Variants in MCTP2 observed in about 807,000 individuals in gnomAD.
The protein encoded by MCTP2 is multiple C2 and transmembrane domain-containing protein 2.
Under a neutral mutation model 111.6 loss-of-function variants are expected in MCTP2, and 132 were observed. The observed-to-expected ratio is 1.18, with a 90% CI of 1.03 to 1.37. MCTP2 has a LOEUF of 1.37. Among genes scored for constraint, MCTP2 ranks in the 40% most tolerant of loss-of-function variants. The pLI is 0.00. For synonymous variants in MCTP2, 395 were observed against 387.7 expected, an observed-to-expected ratio of 1.02 and a Z score of -0.22; for missense variants, 1,183 against 1,067.9, an observed-to-expected ratio of 1.11 and a Z score of -1.50.
chr15:94,278,083 C>G (rs775380877), intron 1 of MCTP2: 1 of 152,056 alleles, frequency 6.6e-6, no homozygotes, highest in Non-Finnish European at 1.5e-5. Flanking sequence ...ATGAAGCTGT[C>G]AAATGCCCTA....
intron 2 of MCTP2, among the ~76,000 whole-genome samples, chr15:94,309,354 C>G (rs989380747): frequency 2.0e-5 from 3 of 152,152 alleles, no homozygotes; most frequent in African/African-American, 7.2e-5. Flanking sequence ...AGTATGTATA[C>G]ATTTATATAC....
At chr15:94,291,902 G>C (rs2075049529) in intron 1 of MCTP2, among the ~76,000 whole-genome samples, 1 of 152,088 alleles carries the variant, frequency 6.6e-6, no homozygotes, top group Admixed American at 6.5e-5. Context: ...CTACCATTGG[G>C]CAAAAGCAGT....
intron 10 of MCTP2, among the ~76,000 whole-genome samples, chr15:94,363,351 C>T (rs1302812915): frequency 4.6e-5 from 7 of 152,084 alleles, no homozygotes; most frequent in Admixed American, 4.6e-4. Flanking sequence ...GCTGCAGGTC[C>T]TGGCATCATG....
intron 4 of MCTP2, among the ~76,000 whole-genome samples, chr15:94,333,856 T>C (rs2077237450): frequency 6.6e-6 from 1 of 152,210 alleles, no homozygotes; most frequent in African/African-American, 2.4e-5. Context: ...TCTTTCTTTC[T>C]AGGACAGCTC....
At chr15:94,322,605 A>G (rs1367773270) in intron 4 of MCTP2, among the ~76,000 whole-genome samples, 2 of 152,224 alleles carry the variant, frequency 1.3e-5, no homozygotes, top group African/African-American at 4.8e-5. Flanking sequence ...CTCTGCCTAG[A>G]ATATCATGGT....
At chr15:94,259,187 A>G (rs761909734) in intron 1 of MCTP2, among the ~76,000 whole-genome samples, 2 of 152,174 alleles carry the variant, frequency 1.3e-5, no homozygotes, top group African/African-American at 2.4e-5. Flanking sequence ...GAATAAAAAC[A>G]CACCATTAGT....
intron 12 of MCTP2, among the ~76,000 whole-genome samples, chr15:94,370,545 G>T (rs940348944): frequency 2.6e-5 from 4 of 152,158 alleles, no homozygotes; most frequent in Non-Finnish European, 4.4e-5. Flanking sequence ...TGCTCTCTGT[G>T]CTGAATGGTT....
intron 1 of MCTP2, among the ~76,000 whole-genome samples, chr15:94,239,107 C>G (rs1482008180): frequency 2.0e-5 from 3 of 151,728 alleles, no homozygotes; most frequent in Non-Finnish European, 4.4e-5. Context: ...GTAATGCTTA[C>G]TTTTTTTAAG....
intron 14 of MCTP2, among the ~76,000 whole-genome samples, chr15:94,393,990 T>C (rs2081136799): frequency 7.7e-6 from 1 of 130,346 alleles, no homozygotes; most frequent in African/African-American, 3.0e-5. Flanking sequence ...GCGGAGGTTG[T>C]GGTGAGCCAA....
At chr15:94,337,498 T>C (rs2077417965) in intron 4 of MCTP2, among the ~76,000 whole-genome samples, 1 of 151,920 alleles carries the variant, frequency 6.6e-6, no homozygotes, top group East Asian at 1.9e-4. Flanking sequence ...TCCCCCACTT[T>C]TTTATATATA....
chr15:94,324,130 G>A (rs1250067122), intron 4 of MCTP2, among the ~76,000 whole-genome samples: 2 of 152,100 alleles, frequency 1.3e-5, no homozygotes, highest in Non-Finnish European at 2.9e-5. Context: ...CTGAACCCTG[G>A]GTCCATTTCC....
chr15:94,239,725 T>C (rs2070802717), intron 1 of MCTP2, among the ~76,000 whole-genome samples: 1 of 152,224 alleles, frequency 6.6e-6, no homozygotes, highest in Non-Finnish European at 1.5e-5. Context: ...CACAGAGACA[T>C]GTAGCTTTGG....
At chr15:94,254,785 A>G (rs550622616) in intron 1 of MCTP2, among the ~76,000 whole-genome samples, 5 of 152,352 alleles carry the variant, frequency 3.3e-5, no homozygotes, top group Non-Finnish European at 5.9e-5. Context: ...TTATGAGAGT[A>G]AGCATTAATT....
intron 2 of MCTP2, among the ~76,000 whole-genome samples, chr15:94,301,079 T>C (rs1415636658): frequency 1.3e-5 from 2 of 152,188 alleles, no homozygotes; most frequent in African/African-American, 4.8e-5. Context: ...TCATTTGGTT[T>C]TTCCCTTTTA....
intron 1 of MCTP2, among the ~76,000 whole-genome samples, chr15:94,253,101 C>G (rs974855293): frequency 3.3e-5 from 5 of 152,134 alleles, no homozygotes; most frequent in African/African-American, 1.2e-4. Context: ...GAAACTTCCT[C>G]TCTCTTTCCT....
At chr15:94,245,210 A>G (rs2071736776) in intron 1 of MCTP2, among the ~76,000 whole-genome samples, 1 of 141,922 alleles carries the variant, frequency 7.0e-6, no homozygotes. Context: ...ATATATTTAT[A>G]CATATGTGTA....
intron 1 of MCTP2, among the ~76,000 whole-genome samples, chr15:94,245,215 T>G (rs937498710): frequency 7.1e-6 from 1 of 141,098 alleles, no homozygotes; most frequent in East Asian, 2.2e-4. Context: ...TTTATACATA[T>G]GTGTATATAT....
chr15:94,338,265 A>G (rs890196544), intron 4 of MCTP2, among the ~76,000 whole-genome samples: 2 of 152,078 alleles, frequency 1.3e-5, no homozygotes, highest in Non-Finnish European at 2.9e-5. Context: ...CCGTGTTTCA[A>G]AATTAACTAT....
rs574891490 is a variant in MCTP2, at chr15:94,413,179, C to T, written c.2085+11160C>T. Among the ~76,000 whole-genome samples, 12 of 152,140 alleles carry T rather than the reference C, an allele frequency of 7.9e-5. No homozygotes were observed. In the South Asian group the frequency reaches 2.5e-3, roughly 32 times the overall value. Reference sequence around the variant, plus strand: ...ATAGAAACTCATAAATGATAAAATCCTAAGGTAAATTTCTGTGGGCTACTT... The same window carrying T: ...ATAGAAACTCATAAATGATAAAATCTTAAGGTAAATTTCTGTGGGCTACTT... On this transcript the variant is annotated intron_variant, in intron 17 of 22. Coordinates refer to ENST00000357742, the MANE Select transcript of MCTP2 (RefSeq NM_001385001.1).
Sources: gnomAD v4.1 joint callset for allele counts (sites outside exome capture counted in the v4.1 genomes callset) on GRCh38, gnomAD v4.1.1 for gene constraint, MANE v1.5 for transcripts, NCBI Gene and HGNC (gene_info 2026-07-23, HGNC 2026-07-21) for gene names.